Variants in NWD2 observed in about 807,000 individuals in gnomAD.
The protein encoded by NWD2 is NACHT and WD repeat domain-containing protein 2.
NWD2 carries 37 observed loss-of-function variants against 132.7 expected under a neutral mutation model. The observed-to-expected ratio is 0.28, with a 90% CI of 0.21 to 0.37. The LOEUF (loss-of-function observed/expected upper bound fraction) is 0.37, where lower values mean the gene tolerates loss of function less well. Ranked by LOEUF, NWD2 falls within the 10% of genes least tolerant of loss-of-function variation. NWD2 has a pLI of 1.00. For synonymous variants in NWD2, 705 were observed against 803.0 expected (o/e 0.88, Z 2.06); for missense variants, 1,592 against 2,122.4 (o/e 0.75, Z 4.91).
At chr4:37,381,993 G>T (rs1183897223) in intron 3 of NWD2, among the ~76,000 whole-genome samples, 1 of 152,140 alleles carries the variant, frequency 6.6e-6, no homozygotes, top group African/African-American at 2.4e-5. Flanking sequence ...AGAGACATTC[G>T]TGACACTGTG....
At chr4:37,312,328 T>C (rs1423047634) in intron 1 of NWD2, among the ~76,000 whole-genome samples, 1 of 150,886 alleles carries the variant, frequency 6.6e-6, no homozygotes, top group African/African-American at 2.5e-5. Flanking sequence ...GTAGTTCTCC[T>C]TGAAGAGGTC....
chr4:37,269,593 A>G (rs1280072399), intron 1 of NWD2, among the ~76,000 whole-genome samples: 1 of 151,874 alleles, frequency 6.6e-6, no homozygotes, highest in East Asian at 1.9e-4. Flanking sequence ...TTGAAATGGA[A>G]TCATAGGTAC....
intron 3 of NWD2, among the ~76,000 whole-genome samples, chr4:37,366,376 C>T (rs1246490993): frequency 6.6e-6 from 1 of 151,974 alleles, no homozygotes; most frequent in African/African-American, 2.4e-5. Flanking sequence ...CCCTATCAGT[C>T]TAACATAGGA....
In NWD2 at chr4:37,430,762, G is replaced by A; in HGVS notation, c.548G>A (p.Ser183Asn). The change falls in exon 4 of 7, where the codon AGC becomes AAC. Residue 183 changes from serine (S) to asparagine (N), a missense_variant. Around this residue, in one of 7 missense-constraint regions of NWD2, gnomAD observed 144 missense variants for 185.7 expected, o/e 0.78. Transcript: ENST00000309447. ...YLRPKSEMLRSNRNAMQPSTN... is the reference protein window; with the variant it reads ...YLRPKSEMLRNNRNAMQPSTN... ...AGACCCAAGTCAGAAATGCTGAGAAGCAATAGAAATGCAGTAAGCTGCCTT... is the reference window on the plus strand; with the variant it reads ...AGACCCAAGTCAGAAATGCTGAGAAACAATAGAAATGCAGTAAGCTGCCTT... 8 of 1,551,510 alleles carry A rather than the reference G, an allele frequency of 5.2e-6. No homozygotes were observed. The highest frequency in any genetic ancestry group is 7.0e-6 in the Non-Finnish European group (8 of 1,146,786).
chr4:37,332,204 A>G (rs1399745503), intron 2 of NWD2, among the ~76,000 whole-genome samples: 2 of 151,984 alleles, frequency 1.3e-5, no homozygotes, highest in Non-Finnish European at 2.9e-5. Flanking sequence ...ACCAGCTGGG[A>G]TGGCCAAGGG....
At chr4:37,375,168 T>G (rs959601017) in intron 3 of NWD2, among the ~76,000 whole-genome samples, 2 of 152,230 alleles carry the variant, frequency 1.3e-5, no homozygotes, top group Non-Finnish European at 2.9e-5. Context: ...GTTCTCTTAC[T>G]CATTTTTTAA....
intron 1 of NWD2, among the ~76,000 whole-genome samples, chr4:37,276,038 G>A (rs1718004886): frequency 6.6e-6 from 1 of 152,040 alleles, no homozygotes; most frequent in South Asian, 2.1e-4. Flanking sequence ...CATAGGCATG[G>A]GCAAGGACTT....
intron 1 of NWD2, among the ~76,000 whole-genome samples, chr4:37,322,468 T>C (rs1419944644): frequency 6.6e-6 from 1 of 152,152 alleles, no homozygotes; most frequent in African/African-American, 2.4e-5. Flanking sequence ...AGTGGGAATA[T>C]AATCTAAGAA....
intron 1 of NWD2, among the ~76,000 whole-genome samples, chr4:37,283,489 A>G (rs1006583221): frequency 1.3e-5 from 2 of 152,208 alleles, no homozygotes; most frequent in Non-Finnish European, 2.9e-5. Flanking sequence ...AATAAATTAT[A>G]AATGTACACT....
intron 2 of NWD2, among the ~76,000 whole-genome samples, chr4:37,330,848 C>T (rs1043160323): frequency 3.0e-4 from 42 of 142,164 alleles, no homozygotes; most frequent in Non-Finnish European, 5.7e-4. Flanking sequence ...CCACCAGAAT[C>T]ATCACCCTAC....
At chr4:37,415,857 AAAC>A (rs1711581149) in intron 3 of NWD2, among the ~76,000 whole-genome samples, 3 of 152,222 alleles carry the variant, frequency 2.0e-5, no homozygotes, top group Admixed American at 2.0e-4. Flanking sequence ...ATCACCATTT[AAAC>A]AACACTTACT....
At chr4:37,430,469 T>C (rs1227803847) in intron 3 of NWD2, 103 bp from the exon 4 acceptor site, 1 of 807,940 alleles carries the variant, frequency 1.2e-6, no homozygotes, top group Non-Finnish European at 2.0e-6. Context: ...GCAATGTATC[T>C]TGTTATCTAT....
At chr4:37,320,511 G>A (rs1719047141) in intron 1 of NWD2, among the ~76,000 whole-genome samples, 1 of 152,054 alleles carries the variant, frequency 6.6e-6, no homozygotes, top group Non-Finnish European at 1.5e-5. Flanking sequence ...GAGAAGGTGA[G>A]TGAAAATAGT....
intron 1 of NWD2, among the ~76,000 whole-genome samples, chr4:37,312,179 G>A (rs541270923): frequency 4.0e-5 from 6 of 151,672 alleles, no homozygotes; most frequent in Non-Finnish European, 8.8e-5. Flanking sequence ...GTCATTGGTA[G>A]CTTGATGGGG....
At chr4:37,299,485 A>G (rs1194462512) in intron 1 of NWD2, among the ~76,000 whole-genome samples, 17 of 152,126 alleles carry the variant, frequency 1.1e-4, no homozygotes, top group Admixed American at 6.6e-5. Flanking sequence ...GGATCTCAAA[A>G]TCAGTCTTGT....
At chr4:37,303,064 T>C (rs1718638921) in intron 1 of NWD2, among the ~76,000 whole-genome samples, 1 of 152,188 alleles carries the variant, frequency 6.6e-6, no homozygotes, top group South Asian at 2.1e-4. Flanking sequence ...TTTTGTTTTC[T>C]TCTAGTAGTT....
chr4:37,361,405 T>G (rs1467634550), intron 3 of NWD2, among the ~76,000 whole-genome samples: 2 of 152,020 alleles, frequency 1.3e-5, no homozygotes, highest in African/African-American at 4.8e-5. Flanking sequence ...CAGGCAAATA[T>G]TCCTGGTGAA....
At chr4:37,325,806 T>C in intron 1 of NWD2, 130 bp from the exon 2 acceptor site, 1 of 583,364 alleles carries the variant, frequency 1.7e-6, no homozygotes, top group Non-Finnish European at 3.0e-6. Context: ...CCAAATATCC[T>C]GTTATTTCAC....
chr4:37,394,933 C>T (rs1441156643), intron 3 of NWD2, among the ~76,000 whole-genome samples: 1 of 151,156 alleles, frequency 6.6e-6, no homozygotes, highest in Non-Finnish European at 1.5e-5. Flanking sequence ...CTGCCTCAGC[C>T]TCCCGAGTAG....
Sources: allele counts gnomAD v4.1 joint callset (sites outside exome capture counted in the v4.1 genomes callset), GRCh38; gene constraint gnomAD v4.1.1; regional missense constraint gnomAD v4.1.1; transcripts MANE v1.5; gene names NCBI Gene and HGNC (gene_info 2026-07-23, HGNC 2026-07-21).